EDIL3: variants seen among roughly 807,000 people sequenced by gnomAD.
EDIL3 encodes the protein EGF-like repeat and discoidin I-like domain-containing protein 3.
EDIL3 carries 37 observed loss-of-function variants against 67.4 expected under a neutral mutation model. The ratio of observed to expected loss-of-function variants is 0.55; its 90% confidence interval spans 0.42 to 0.72. The LOEUF is 0.72. Among genes scored for constraint, EDIL3 ranks in the 30% least tolerant of loss-of-function variants. The probability of loss-of-function intolerance (pLI) is 0.00; values close to 1 mark genes in which losing one functional copy is unlikely to be tolerated. For missense variants in EDIL3, 527 were observed against 586.3 expected (o/e 0.90, Z 1.04); for synonymous variants, 195 against 196.3 (o/e 0.99, Z 0.05).
At chr5:84,115,076 T>C (rs1251697139) in intron 5 of EDIL3, among the ~76,000 whole-genome samples, 1 of 152,196 alleles carries the variant, frequency 6.6e-6, no homozygotes, top group Non-Finnish European at 1.5e-5. Context: ...TTACTTTTCT[T>C]TCTTTTTTGA....
In EDIL3 at chr5:84,088,632, G is replaced by T. The variant is rs981271171; in HGVS notation, c.651+18017C>A. Among the ~76,000 whole-genome samples, 3 of 152,042 alleles carry T rather than the reference G, an allele frequency of 2.0e-5. No individual in the cohort carries two copies. The South Asian group carries it at 6.2e-4, about 32-fold the overall frequency. On this transcript the variant is annotated intron_variant, in intron 6 of 10. Transcript: ENST00000296591. ...TCTGAGAAATGAAAATACAGCCCAT[G>T]TATTATGAATTCAGAGAAATAAATG...
intron 4 of EDIL3, among the ~76,000 whole-genome samples, chr5:84,158,561 T>C (rs922390888): frequency 3.9e-5 from 6 of 152,080 alleles, no homozygotes; most frequent in South Asian, 2.1e-4. Context: ...TTCCAGCATA[T>C]ACAAGATACA....
rs1347174161 is a variant in EDIL3 at position 84,160,816 on chromosome 5, TTTC to T, written c.355+19574_355+19576del. Among the ~76,000 whole-genome samples, 606 of 129,622 alleles carry T rather than the reference TTTC, an allele frequency of 4.7e-3. 13 individuals carry two copies. Among genetic ancestry groups the T allele is most frequent in the African/African-American group, 0.017 (519 of 29,832 alleles). 85.0% of individuals were successfully genotyped at this position (129,622 alleles called of 152,430 possible). On this transcript the variant is annotated intron_variant, in intron 4 of 10. Transcript: ENST00000296591. The stretch of plus-strand genomic sequence containing the variant: ...TTTCCTTTCCTTTCCTTTCCTTTCC[TTTC>T]CCTTTCCTTTTCCTTTCCTTTTCCT...
chr5:84,372,608 A>G (rs919283491), intron 1 of EDIL3, among the ~76,000 whole-genome samples: 2 of 152,162 alleles, frequency 1.3e-5, no homozygotes, highest in African/African-American at 2.4e-5. Context: ...TTAAATTTAG[A>G]AGGAATTCTT....
At chr5:84,146,485 G>A (rs76092097) in intron 4 of EDIL3, among the ~76,000 whole-genome samples, 2,190 of 152,164 alleles carry the variant, frequency 0.014, 28 homozygotes, top group Non-Finnish European at 0.023. Context: ...ATAACACATA[G>A]TCCTTGTTCT....
At position 83,946,188 on chromosome 5, in the gene EDIL3, G is replaced by C. The variant is rs548157702; in HGVS notation, c.1294-2620C>G. 2.6e-5 allele frequency among the ~76,000 whole-genome samples: 4 copies of C among 152,100 alleles called. No individual in the cohort carries two copies. In the East Asian group the frequency reaches 7.8e-4, roughly 30 times the overall value. On this transcript the variant is annotated intron_variant, in intron 10 of 10. Transcript: ENST00000296591. ...AAACTGAAGTCTGAAAAGACTGATAGAGAACATTAAATCTCTATATAGGAG... is the reference window on the plus strand; with the variant it reads ...AAACTGAAGTCTGAAAAGACTGATACAGAACATTAAATCTCTATATAGGAG...
intron 6 of EDIL3, among the ~76,000 whole-genome samples, chr5:84,084,128 A>ATTT (rs1747026162): frequency 6.6e-6 from 1 of 152,238 alleles, no homozygotes; most frequent in African/African-American, 2.4e-5. Context: ...CTATATAGCA[A>ATTT]GAAATAAATT....
At chr5:84,119,163 C>T (rs1454900014) in intron 5 of EDIL3, among the ~76,000 whole-genome samples, 1 of 141,874 alleles carries the variant, frequency 7.0e-6, no homozygotes, top group Non-Finnish European at 1.5e-5. Flanking sequence ...CCTGGAGACA[C>T]ATGGTTTAAA....
At chr5:84,219,147 G>C (rs1395474462) in intron 3 of EDIL3, among the ~76,000 whole-genome samples, 1 of 152,188 alleles carries the variant, frequency 6.6e-6, no homozygotes, top group Non-Finnish European at 1.5e-5. Flanking sequence ...GCTCCAGGCA[G>C]CTCAGAGCAG....
chr5:84,109,225 G>A (rs1435832658), intron 5 of EDIL3, among the ~76,000 whole-genome samples: 1 of 152,112 alleles, frequency 6.6e-6, no homozygotes, highest in African/African-American at 2.4e-5. Context: ...CATAATTCAA[G>A]CTGGGCGCAG....
At chr5:84,061,162 C>T (rs993038244) in intron 8 of EDIL3, among the ~76,000 whole-genome samples, 2 of 152,040 alleles carry the variant, frequency 1.3e-5, no homozygotes, top group African/African-American at 4.8e-5. Context: ...TAGCAATAAC[C>T]ACCACTGAAC....
intron 3 of EDIL3, among the ~76,000 whole-genome samples, chr5:84,206,477 A>G (rs1220553572): frequency 2.0e-5 from 3 of 152,240 alleles, no homozygotes; most frequent in African/African-American, 7.2e-5. Flanking sequence ...TTAAGGAGGA[A>G]CTGGTACCAT....
At chr5:84,051,620 T>G (rs561285596) in intron 9 of EDIL3, among the ~76,000 whole-genome samples, 1 of 152,308 alleles carries the variant, frequency 6.6e-6, no homozygotes, top group African/African-American at 2.4e-5. Context: ...TTAAAGGACC[T>G]GATGGAGCTG....
intron 4 of EDIL3, among the ~76,000 whole-genome samples, chr5:84,173,646 TTGAGA>T (rs1342257258): frequency 3.9e-5 from 6 of 152,066 alleles, no homozygotes; most frequent in African/African-American, 1.4e-4. Context: ...CTCTCCAGAC[TTGAGA>T]TGAGTAAAAT....
intron 9 of EDIL3, among the ~76,000 whole-genome samples, chr5:83,989,273 A>G (rs1438777297): frequency 1.3e-5 from 2 of 152,154 alleles, no homozygotes; most frequent in Admixed American, 6.5e-5. Flanking sequence ...TCATCCCATT[A>G]GATAAAGGTC....
At chr5:84,340,572 G>A (rs868015042) in intron 1 of EDIL3, among the ~76,000 whole-genome samples, 5 of 85,690 alleles carry the variant, frequency 5.8e-5, no homozygotes, top group South Asian at 8.0e-4. Flanking sequence ...ATATATATAT[G>A]TTAGTCTACA....
At chr5:84,315,615 T>A (rs1454229093) in intron 1 of EDIL3, among the ~76,000 whole-genome samples, 1 of 152,184 alleles carries the variant, frequency 6.6e-6, no homozygotes, top group Non-Finnish European at 1.5e-5. Flanking sequence ...AAGACTATAC[T>A]TTCAGGGATC....
intron 4 of EDIL3, among the ~76,000 whole-genome samples, chr5:84,147,094 A>G (rs1217304217): frequency 6.6e-6 from 1 of 152,012 alleles, no homozygotes; most frequent in Non-Finnish European, 1.5e-5. Flanking sequence ...CTCTTTGTAT[A>G]GTTTATAATT....
At chr5:84,184,418 C>T (rs184875794) in intron 3 of EDIL3, among the ~76,000 whole-genome samples, 12 of 152,212 alleles carry the variant, frequency 7.9e-5, no homozygotes, top group Admixed American at 4.6e-4. Flanking sequence ...GCAATGTGCT[C>T]GGAGGCTGTA....
Sources: gnomAD v4.1 joint callset for allele counts (sites outside exome capture counted in the v4.1 genomes callset) on GRCh38, gnomAD v4.1.1 for gene constraint, MANE v1.5 for transcripts, NCBI Gene and HGNC (gene_info 2026-07-23, HGNC 2026-07-21) for gene names.